Variants in BMX observed in about 807,000 individuals in gnomAD.
The protein encoded by BMX is BMX non-receptor tyrosine kinase, also known as cytoplasmic tyrosine-protein kinase BMX.
In BMX, 31 loss-of-function variants were observed where a neutral mutation model predicts 59.2. The observed-to-expected ratio is 0.52, with a 90% CI of 0.39 to 0.71. The LOEUF (loss-of-function observed/expected upper bound fraction) is 0.71, where lower values mean the gene tolerates loss of function less well. Among genes scored for constraint, BMX ranks in the 30% least tolerant of loss-of-function variants. The pLI is 0.00. For synonymous variants in BMX, 185 were observed against 181.0 expected, an observed-to-expected ratio of 1.02 and a Z score of -0.18; for missense variants, 474 against 491.7, an observed-to-expected ratio of 0.96 and a Z score of 0.34.
chrX:15,513,705 C>A (rs1165888050), intron 4 of BMX, among the ~76,000 whole-genome samples: 1 of 111,573 alleles, frequency 9.0e-6, no homozygotes, highest in Non-Finnish European at 1.9e-5. Context: ...ATTCAGCTAA[C>A]CAGATGTGGA....
chrX:15,553,319 C>T (rs1926281955), intron 18 of BMX, among the ~76,000 whole-genome samples: 1 of 111,328 alleles, frequency 9.0e-6, no homozygotes, highest in Non-Finnish European at 1.9e-5. Context: ...TAATTTGGTG[C>T]CTACAACTTT....
chrX:15,551,181 T>C (rs1378799024), intron 18 of BMX, among the ~76,000 whole-genome samples: 3 of 111,758 alleles, frequency 2.7e-5, no homozygotes, highest in Non-Finnish European at 5.6e-5. Context: ...AAGGAGGCTT[T>C]TGAGAACATT....
chrX:15,530,608 G>T (rs907828604), intron 10 of BMX, among the ~76,000 whole-genome samples: 1 of 111,995 alleles, frequency 8.9e-6, no homozygotes, highest in Non-Finnish European at 1.9e-5. Flanking sequence ...ACTGCTCACA[G>T]CATGAATAAG....
intron 14 of BMX, 132 bp downstream of exon 14, chrX:15,537,437 A>G: frequency 1.4e-6 from 1 of 695,862 alleles, no homozygotes; most frequent in Non-Finnish European, 2.1e-6. Context: ...AATATTTAGA[A>G]GTTATAAATT....
intron 18 of BMX, among the ~76,000 whole-genome samples, chrX:15,554,529 C>CT (rs1434566169): frequency 9.3e-6 from 1 of 108,002 alleles, no homozygotes; most frequent in African/African-American, 3.4e-5. Flanking sequence ...GTTTTTTTTT[C>CT]TTTTTTTGAC....
chrX:15,556,386 C>T lies in BMX; in HGVS notation c.*239C>T. On this transcript the variant is annotated 3_prime_UTR_variant, in exon 19 of 19. Transcript: ENST00000348343. ...AACACTTTCCAGCCTATAGCAGAAG[C>T]ACATTTTCAGACTGCAATATAGAGA... 3 of 288,161 alleles carry T rather than the reference C, an allele frequency of 1.0e-5. No homozygotes were observed. The South Asian group carries it at 3.0e-4, about 29-fold the overall frequency. The allele number at this position is 288,161 out of a possible 1,213,427, so 23.7% of individuals were successfully genotyped here. A position where few individuals can be genotyped will look rare whatever the true frequency, so the allele number is the denominator to read the frequency against.
chrX:15,526,125 T>C (rs1924712007), intron 9 of BMX, 30 bp downstream of exon 9: 1 of 1,153,839 alleles, frequency 8.7e-7, no homozygotes, highest in East Asian at 3.0e-5. Context: ...TGGGTTCTTC[T>C]AAAATTAGAC....
At chrX:15,516,323 A>T in intron 5 of BMX, 92 bp downstream of exon 5, 1 of 1,094,066 alleles carries the variant, frequency 9.1e-7, no homozygotes, top group African/African-American at 1.8e-5. Context: ...TTGCCAGAAA[A>T]CAAGATGTGC....
intron 8 of BMX, among the ~76,000 whole-genome samples, chrX:15,525,753 A>G (rs1924685636): frequency 9.0e-6 from 1 of 111,680 alleles, no homozygotes; most frequent in Admixed American, 9.5e-5. Context: ...TCGTGAGCCC[A>G]CTCTTTGGAA....
intron 18 of BMX, among the ~76,000 whole-genome samples, chrX:15,553,254 G>A (rs754641646): frequency 1.8e-5 from 2 of 112,157 alleles, no homozygotes; most frequent in East Asian, 5.6e-4. Context: ...CACACAACGA[G>A]TGCTCTCACA....
intron 9 of BMX, among the ~76,000 whole-genome samples, chrX:15,529,710 T>A (rs1924972611): frequency 8.9e-6 from 1 of 112,202 alleles, no homozygotes; most frequent in Non-Finnish European, 1.9e-5. Flanking sequence ...AACTTAGAAG[T>A]CACCTAGAAG....
In BMX at chrX:15,537,159, G is replaced by A. The variant is rs949414934; in HGVS notation, c.1248G>A (p.Glu416=). The A allele has an allele frequency of 2.8e-5, 34 of 1,211,020 alleles. No individual in the cohort carries two copies. The highest frequency in any genetic ancestry group is 3.8e-5 in the Non-Finnish European group (34 of 895,168). The part of the protein sequence containing the change: ...GNGIWELKRE[E]ITLLKELGSG... ...GAATCTGGGAACTGAAAAGAGAAGA[G>A]ATTACCTTGTTGAAGGAGCTGGGAA... The change falls in exon 14 of 19, where the codon GAG becomes GAA. Residue 416 remains glutamate, a synonymous_variant. Transcript: ENST00000348343.
At chrX:15,555,201 CTT>C (rs34118728) in intron 18 of BMX, among the ~76,000 whole-genome samples, 1 of 41,592 alleles carries the variant, frequency 2.4e-5, no homozygotes, top group Admixed American at 4.6e-4. Flanking sequence ...ACGAGGGAAG[CTT>C]TTTTTTTTTT....
chrX:15,516,386 G>A (rs149524714), intron 5 of BMX, among the ~76,000 whole-genome samples, 155 bp downstream of exon 5: 2,034 of 112,464 alleles, frequency 0.018, 23 homozygotes, highest in Non-Finnish European at 0.028. Flanking sequence ...TGTGACAAAT[G>A]AAATCTCATT....
intron 3 of BMX, among the ~76,000 whole-genome samples, chrX:15,509,744 GAA>G (rs887185790): frequency 9.0e-6 from 1 of 111,007 alleles, no homozygotes; most frequent in African/African-American, 3.3e-5. Flanking sequence ...ATACTATGGG[GAA>G]CAAAACACTG....
intron 8 of BMX, 63 bp from the exon 9 acceptor site, chrX:15,525,979 C>T: frequency 5.1e-6 from 5 of 977,754 alleles, no homozygotes; most frequent in Non-Finnish European, 7.2e-6. Flanking sequence ...TATTGCATGG[C>T]TACGCACTTG....
At chrX:15,537,009 T>A in intron 13 of BMX, 125 bp from the exon 14 acceptor site, 1 of 765,727 alleles carries the variant, frequency 1.3e-6, no homozygotes, top group Non-Finnish European at 1.9e-6. Flanking sequence ...CTTATCAACT[T>A]AAAATAAAAA....
chrX:15,538,250 C>T (rs1925475019), intron 14 of BMX, among the ~76,000 whole-genome samples: 1 of 108,811 alleles, frequency 9.2e-6, no homozygotes, highest in Non-Finnish European at 1.9e-5. Flanking sequence ...ATATAATTCT[C>T]CCTCTTCTTG....
chrX:15,530,353 G>A (rs371557275), intron 10 of BMX, among the ~76,000 whole-genome samples: 5 of 111,723 alleles, frequency 4.5e-5, no homozygotes, highest in Non-Finnish European at 9.4e-5. Context: ...CATTTGGGTC[G>A]TGGATTGACT....
Sources: gnomAD v4.1 joint callset for allele counts (sites outside exome capture counted in the v4.1 genomes callset) on GRCh38, gnomAD v4.1.1 for gene constraint, MANE v1.5 for transcripts, NCBI Gene and HGNC (gene_info 2026-07-23, HGNC 2026-07-21) for gene names.